Variants in ADGB observed in about 807,000 individuals in gnomAD.
ADGB encodes androglobin.
Under a neutral mutation model 210.5 loss-of-function variants are expected in ADGB, and 172 were observed. The observed-to-expected ratio is 0.82, with a 90% CI of 0.72 to 0.93. The LOEUF is 0.93. ADGB is among the 40% of genes least tolerant of loss of function. The pLI, the probability that ADGB is intolerant of heterozygous loss-of-function variation, is 0.00. For missense variants in ADGB, 2,025 were observed against 1,964.8 expected (o/e 1.03, Z -0.58); for synonymous variants, 658 against 662.7 (o/e 0.99, Z 0.11).
rs551620928 is a variant in ADGB, at chr6:146,783,220, A to G, written c.4035+1028A>G. On this transcript the variant is annotated intron_variant, in intron 30 of 35. Transcript: ENST00000397944. Reference sequence around the variant, plus strand: ...GTTAAGGAACAAGAAGGAACAAAGTATATCTCTCAGGTTTCCAGCAGGAAT... The same window carrying G: ...GTTAAGGAACAAGAAGGAACAAAGTGTATCTCTCAGGTTTCCAGCAGGAAT... Among the ~76,000 whole-genome samples the G allele has an allele frequency of 3.9e-5, 6 of 152,284 alleles. No individual in the cohort carries two copies. The South Asian group carries it at 1.2e-3, about 32-fold the overall frequency.
At position 146,815,177 on chromosome 6, in the gene ADGB, C is replaced by G. The variant is rs1480853918; in HGVS notation, c.4964C>G (p.Ala1655Gly). ...MKLETEKMTPAPDTQKKKKGK... is the reference protein window; with the variant it reads ...MKLETEKMTPGPDTQKKKKGK... ...CTGGAGACAGAAAAGATGACCCCAGCTCCTGACACACAGAAAAAAAAGAAA... is the reference window on the plus strand; with the variant it reads ...CTGGAGACAGAAAAGATGACCCCAGGTCCTGACACACAGAAAAAAAAGAAA... Residue 1655 changes from alanine (A) to glycine (G), a missense_variant, in exon 36 of 36, where the codon GCT (alanine) becomes GGT (glycine). Ala to Gly is a moderately conservative substitution (Grantham distance 60). Coordinates refer to ENST00000397944, the MANE Select transcript of ADGB (RefSeq NM_024694.4). 6.6e-7 allele frequency: 1 copy of G among 1,515,774 alleles called. No homozygotes were observed. 93.9% of individuals were successfully genotyped at this position (1,515,774 alleles called of 1,614,324 possible). A position where few individuals can be genotyped will look rare whatever the true frequency, so the allele number is the denominator to read the frequency against.
chr6:146,680,825 CA>C (rs1776148080), intron 9 of ADGB, among the ~76,000 whole-genome samples: 1 of 151,992 alleles, frequency 6.6e-6, no homozygotes, highest in African/African-American at 2.4e-5. Context: ...ACAGAACATA[CA>C]AAATTGAAAA....
chr6:146,701,959 A>G (rs1776498379), intron 13 of ADGB, among the ~76,000 whole-genome samples: 1 of 152,002 alleles, frequency 6.6e-6, no homozygotes, highest in African/African-American at 2.4e-5. Context: ...ATAATATAAT[A>G]TAAAATATTG....
At position 146,644,786 on chromosome 6, in the gene ADGB, A is replaced by G. The variant is rs1775582123; in HGVS notation, c.251A>G (p.Asp84Gly). 2 of 1,467,644 alleles carry G rather than the reference A, an allele frequency of 1.4e-6. No homozygotes were observed. The highest frequency in any genetic ancestry group is 5.1e-5 in the East Asian group (2 of 39,050). 90.9% of individuals were successfully genotyped at this position (1,467,644 alleles called of 1,614,324 possible). A position where few individuals can be genotyped will look rare whatever the true frequency, so the allele number is the denominator to read the frequency against. Residue 84 changes from aspartate to glycine, a missense_variant, in exon 3 of 36, where the codon GAC (aspartate) becomes GGC (glycine). By Grantham distance (94) the Asp-to-Gly change is moderately conservative. Coordinates refer to ENST00000397944, the MANE Select transcript of ADGB (RefSeq NM_024694.4). The stretch of plus-strand genomic sequence containing the variant: ...ATTTTTATATAGCATTTTTTTGAGG[A>G]CCCTGAAGGAAAGATTGAGTTACCA... ...GKSPVFHFFE[D>G]PEGKIELPPS...
At position 146,713,456 on chromosome 6, in the gene ADGB, T is replaced by C. The variant is rs2225136; in HGVS notation, c.1708-1926T>C. 2.1e-4 allele frequency among the ~76,000 whole-genome samples: 32 copies of C among 152,216 alleles called. 1 individual carries two copies. In the East Asian group the frequency reaches 3.1e-3, roughly 15 times the overall value. The stretch of plus-strand genomic sequence containing the variant: ...ACCCTAATGGGCATGAAATGGTGTC[T>C]CATTGTAATTTTGGTTTGTATTCCT... On this transcript the variant is annotated intron_variant, in intron 13 of 35. Coordinates refer to ENST00000397944, the MANE Select transcript of ADGB (RefSeq NM_024694.4).
At chr6:146,626,134 C>T (rs1780969184) in intron 1 of ADGB, among the ~76,000 whole-genome samples, 1 of 151,872 alleles carries the variant, frequency 6.6e-6, no homozygotes, top group Non-Finnish European at 1.5e-5. Flanking sequence ...TTATCACACT[C>T]TACCCTCTTG....
In ADGB at chr6:146,733,961, G is replaced by T; in HGVS notation, c.2725G>T (p.Ala909Ser). 1 of 1,551,558 alleles carries T rather than the reference G, an allele frequency of 6.4e-7. No individual in the cohort carries two copies. The change falls in exon 22 of 36, where the codon GCA becomes TCA. Residue 909 changes from alanine (A) to serine (S), a missense_variant. Ala to Ser is a moderately conservative substitution (Grantham distance 99). Coordinates refer to ENST00000397944, the MANE Select transcript of ADGB (RefSeq NM_024694.4). ...AGAGTATTCTGCTGAGGAAGTAGCA[G>T]CAGCAATTAAAATTCAAGCCATGTG... is the stretch of plus-strand genomic sequence containing the variant. ...DKEYSAEEVA[A>S]AIKIQAMWRG...
At chr6:146,806,226 A>G (rs1180502217) in intron 35 of ADGB, among the ~76,000 whole-genome samples, 1 of 152,240 alleles carries the variant, frequency 6.6e-6, no homozygotes, top group Non-Finnish European at 1.5e-5. Flanking sequence ...GTTCACTCCC[A>G]TTCATTTATG....
At chr6:146,716,770 A>T (rs1205939473) in intron 14 of ADGB, 113 bp from the exon 15 acceptor site, 2 of 1,000,590 alleles carry the variant, frequency 2.0e-6, no homozygotes, top group Non-Finnish European at 2.8e-6. Flanking sequence ...ATTATCTCAT[A>T]AATATTTTCC....
chr6:146,644,790 T>G lies in ADGB; in HGVS notation c.255T>G (p.Pro85=). The G allele has an allele frequency of 6.8e-7, 1 of 1,480,402 alleles. No individual in the cohort carries two copies. The highest frequency in any genetic ancestry group is 9.0e-7 in the Non-Finnish European group (1 of 1,114,210). 91.7% of individuals were successfully genotyped at this position (1,480,402 alleles called of 1,614,324 possible). The change falls in exon 3 of 36, where the codon CCT becomes CCG. Residue 85 remains proline (P), a synonymous_variant. Transcript: ENST00000397944. ...KSPVFHFFED[P]EGKIELPPSL... is the part of the protein sequence containing the mutation. ...TTATATAGCATTTTTTTGAGGACCCTGAAGGAAAGATTGAGTTACCACCAT... is the reference window on the plus strand; with the variant it reads ...TTATATAGCATTTTTTTGAGGACCCGGAAGGAAAGATTGAGTTACCACCAT...
intron 5 of ADGB, 68 bp from the exon 6 acceptor site, chr6:146,664,133 G>A (rs1583580246): frequency 7.1e-7 from 1 of 1,400,930 alleles, no homozygotes; most frequent in East Asian, 2.6e-5. Context: ...TCAGCCACGT[G>A]CAATCATTTA....
chr6:146,703,113 C>T (rs1244662471), intron 13 of ADGB, among the ~76,000 whole-genome samples: 1 of 151,742 alleles, frequency 6.6e-6, no homozygotes, highest in African/African-American at 2.4e-5. Flanking sequence ...TGTCTTTTGC[C>T]TAATTTCCAT....
At chr6:146,761,479 A>G (rs919343851) in intron 27 of ADGB, among the ~76,000 whole-genome samples, 3 of 152,022 alleles carry the variant, frequency 2.0e-5, no homozygotes, top group Admixed American at 6.6e-5. Context: ...CTTTTCTTCA[A>G]AATTGTAGAT....
At chr6:146,725,891 C>G in intron 18 of ADGB, 192 bp from the exon 19 acceptor site, 1 of 434,302 alleles carries the variant, frequency 2.3e-6, no homozygotes, top group Admixed American at 3.6e-5. Flanking sequence ...ATAAGTAAAG[C>G]GTAGATTTCA....
intron 1 of ADGB, among the ~76,000 whole-genome samples, chr6:146,628,807 AC>A (rs148849285): frequency 0.017 from 2,513 of 151,810 alleles, 71 homozygotes; most frequent in African/African-American, 0.056. Context: ...CCTCTTTATC[AC>A]CTGGGAAAGC....
chr6:146,615,052 C>T (rs993563695), intron 1 of ADGB, among the ~76,000 whole-genome samples: 7 of 151,556 alleles, frequency 4.6e-5, no homozygotes, highest in Non-Finnish European at 8.8e-5. Context: ...AGGCGCCCAC[C>T]ACCACGCCCG....
intron 28 of ADGB, among the ~76,000 whole-genome samples, chr6:146,764,782 T>G (rs1334427610): frequency 1.3e-5 from 2 of 152,110 alleles, no homozygotes; most frequent in Non-Finnish European, 2.9e-5. Context: ...AAGAGAGAGC[T>G]GTGATGATAG....
At chr6:146,733,711 T>C (rs1777037883) in intron 21 of ADGB, among the ~76,000 whole-genome samples, 182 bp from the exon 22 acceptor site, 1 of 152,186 alleles carries the variant, frequency 6.6e-6, no homozygotes, top group Admixed American at 6.5e-5. Context: ...TTGTGTGTTT[T>C]CCCTCCTGCA....
chr6:146,809,207 T>TTTTTGTCCCAACACTCAGC (rs1350662855), intron 35 of ADGB, among the ~76,000 whole-genome samples: 2 of 152,130 alleles, frequency 1.3e-5, no homozygotes, highest in Non-Finnish European at 2.9e-5. Flanking sequence ...CCTGCCTCAG[T>TTTTTGTCCCAACACTCAGC]TTTTGTCCCA....
Sources: gnomAD v4.1 joint callset for allele counts (sites outside exome capture counted in the v4.1 genomes callset) on GRCh38, gnomAD v4.1.1 for gene constraint, MANE v1.5 for transcripts, NCBI Gene and HGNC (gene_info 2026-07-23, HGNC 2026-07-21) for gene names.